The following CPZ variants were observed in gnomAD, a reference collection of about 807,000 sequenced individuals.
CPZ encodes carboxypeptidase Z.
Under a neutral mutation model 61.8 loss-of-function variants are expected in CPZ, and 103 were observed. That is an observed-to-expected ratio of 1.67 (90% CI 1.42 to 1.96). CPZ has a LOEUF of 1.96. Among genes scored for constraint, CPZ ranks in the 30% most tolerant of loss-of-function variants. CPZ has a pLI of 0.00. For synonymous variants in CPZ, 551 were observed against 373.7 expected (o/e 1.47, Z -5.47); for missense variants, 1,461 against 914.9 (o/e 1.60, Z -7.70).
At chr4:8,598,485 G>C (rs1320603687) in intron 1 of CPZ, among the ~76,000 whole-genome samples, 1 of 152,210 alleles carries the variant, frequency 6.6e-6, no homozygotes, top group Non-Finnish European at 1.5e-5. Flanking sequence ...CTTTTCCTCT[G>C]CTCCAGCCTG....
At chr4:8,607,817 G>A (rs1306827427) in intron 7 of CPZ, among the ~76,000 whole-genome samples, 3 of 152,142 alleles carry the variant, frequency 2.0e-5, no homozygotes, top group Non-Finnish European at 2.9e-5. Flanking sequence ...GTGCTGCAGC[G>A]CGCATGCTGC....
Position 8,606,831 on chromosome 4 carries a change from G to A in CPZ, c.1001G>A (p.Arg334Gln), listed in dbSNP as rs183698544. 393 of 1,613,870 alleles carry A rather than the reference G, an allele frequency of 2.4e-4. 3 individuals carry two copies. In the East Asian group the frequency reaches 8.2e-3, roughly 34 times the overall value. ...NFPDLTSEYY[R>Q]LAETRGARSD... Reference sequence around the variant, plus strand: ...CCGGACCTGACGTCCGAGTACTACCGGCTGGCGGAGACCCGCGGCGCACGC... The same window carrying A: ...CCGGACCTGACGTCCGAGTACTACCAGCTGGCGGAGACCCGCGGCGCACGC... Residue 334 changes from arginine (R) to glutamine (Q), a missense_variant, in exon 6 of 11, where the codon CGG (arginine) becomes CAG (glutamine). Physicochemically the swap from Arg to Gln is conservative, Grantham distance 43. Coordinates refer to ENST00000360986, the MANE Select transcript of CPZ (RefSeq NM_001014447.3).
chr4:8,595,521 G>C (rs529519736), intron 1 of CPZ, among the ~76,000 whole-genome samples: 102 of 152,348 alleles, frequency 6.7e-4, no homozygotes, highest in African/African-American at 2.4e-3. Context: ...CAAAACCAGA[G>C]GCCTACGGAG....
chr4:8,603,599 C>CG, intron 3 of CPZ: 2 of 282,388 alleles, frequency 7.1e-6, no homozygotes, highest in Non-Finnish European at 1.3e-5. Flanking sequence ...GTGCCACTGT[C>CG]ATGGAAAACA....
intron 7 of CPZ, among the ~76,000 whole-genome samples, chr4:8,609,721 G>A (rs571717692): frequency 5.9e-5 from 9 of 152,346 alleles, no homozygotes; most frequent in African/African-American, 1.9e-4. Context: ...ACGTCCCCAG[G>A]GGGGATGTTC....
chr4:8,613,930 C>T (rs558357332), intron 8 of CPZ, among the ~76,000 whole-genome samples: 3 of 152,366 alleles, frequency 2.0e-5, no homozygotes, highest in East Asian at 1.9e-4. Context: ...GGGGCCTGTG[C>T]GGCTGCCCCG....
chr4:8,614,257 A>G (rs943148135), intron 8 of CPZ, 102 bp from the exon 9 acceptor site: 1 of 1,472,328 alleles, frequency 6.8e-7, no homozygotes, highest in Non-Finnish European at 9.1e-7. Context: ...CGCGGCTGAC[A>G]CCCCGGCGTC....
chr4:8,592,948 C>G (rs779618489), intron 1 of CPZ, 27 bp downstream of exon 1: 1 of 1,481,624 alleles, frequency 6.7e-7, no homozygotes, highest in South Asian at 1.2e-5. Flanking sequence ...CCCCCACCCT[C>G]CACCCTCCAC....
rs549999231 is a variant in CPZ at position 8,617,302 on chromosome 4, T to G, written c.1504-1127T>G. Among the ~76,000 whole-genome samples the G allele has an allele frequency of 2.0e-5, 3 of 152,328 alleles. No homozygotes were observed. The East Asian group carries it at 5.8e-4, about 29-fold the overall frequency. ...ACTGAGGCACCCAGAAGCAAAGGTT[T>G]GTCTGAAGTGAACAGTCACTACGGC... On this transcript the variant is annotated intron_variant, in intron 9 of 10. Transcript: ENST00000360986.
chr4:8,608,661 T>C (rs1447101083), intron 7 of CPZ, among the ~76,000 whole-genome samples: 1 of 151,290 alleles, frequency 6.6e-6, no homozygotes, highest in African/African-American at 2.5e-5. Context: ...TGTGCATGCA[T>C]GTGCACACGT....
rs959874276 is a variant in CPZ at position 8,592,787 on chromosome 4, C to T, written c.-47C>T. On this transcript the variant is annotated 5_prime_UTR_variant, in exon 1 of 11. Coordinates refer to ENST00000360986, the MANE Select transcript of CPZ (RefSeq NM_001014447.3). ...CGCAGAGCCCCGGCCCCGCGCGGCC[C>T]GAGTGCCACATCACTGCGCTGGCCG... The T allele has an allele frequency of 8.4e-6, 11 of 1,308,444 alleles. No individual in the cohort carries two copies. The highest frequency in any genetic ancestry group is 4.7e-5 in the African/African-American group (3 of 64,488). The allele number at this position is 1,308,444 out of a possible 1,614,324, so 81.1% of individuals were successfully genotyped here. A position where few individuals can be genotyped will look rare whatever the true frequency, so the allele number is the denominator to read the frequency against.
At position 8,612,076 on chromosome 4, in the gene CPZ, T is replaced by G. The variant is rs771315930; in HGVS notation, c.1277T>G (p.Met426Arg). The change falls in exon 8 of 11, where the codon ATG becomes AGG. Residue 426 changes from methionine (M) to arginine (R), a missense_variant. Coordinates refer to ENST00000360986, the MANE Select transcript of CPZ (RefSeq NM_001014447.3). ...RAYADVHPMMMDRSENRCGGN... is the reference protein window; with the variant it reads ...RAYADVHPMMRDRSENRCGGN... The stretch of plus-strand genomic sequence containing the variant: ...TACGCTGACGTCCACCCCATGATGA[T>G]GGACAGGTCGGAGAATAGGTGTGGA... 2.5e-6 allele frequency: 4 copies of G among 1,613,344 alleles called. No individual in the cohort carries two copies. The East Asian group carries it at 8.9e-5, about 36-fold the overall frequency.
intron 9 of CPZ, chr4:8,618,078 G>A (rs1477280122): frequency 1.3e-5 from 4 of 304,062 alleles, no homozygotes; most frequent in South Asian, 1.0e-4. Context: ...AGGGAGTCCC[G>A]CTGGGGCTGG....
Position 8,601,343 on chromosome 4 carries a change from G to A in CPZ, c.342G>A (p.Val114=). The A allele has an allele frequency of 6.2e-7, 1 of 1,605,468 alleles. No homozygotes were observed. Among genetic ancestry groups the A allele is most frequent in the South Asian group, 1.1e-5 (1 of 90,570 alleles). Residue 114 remains valine (V), a synonymous_variant, in exon 3 of 11, where the codon GTG becomes GTA. Transcript: ENST00000360986. The part of the protein sequence containing the change: ...VLAPRCEGGW[V]RRPCRHICEG... ...CCCCCCGGTGTGAGGGCGGCTGGGT[G>A]CGCAGACCCTGCCGGCACATCTGCG...
chr4:8,612,488 C>T (rs560566857), intron 8 of CPZ, among the ~76,000 whole-genome samples: 1 of 152,264 alleles, frequency 6.6e-6, no homozygotes, highest in Admixed American at 6.5e-5. Context: ...GCTGGACTTC[C>T]AGTTAAATTG....
At chr4:8,608,801 G>A (rs1283028555) in intron 7 of CPZ, among the ~76,000 whole-genome samples, 1 of 152,172 alleles carries the variant, frequency 6.6e-6, no homozygotes, top group Non-Finnish European at 1.5e-5. Context: ...GAGGGGCACT[G>A]GAGGCACAGG....
intron 7 of CPZ, chr4:8,611,109 C>A (rs536584180): frequency 7.2e-6 from 3 of 419,110 alleles, no homozygotes; most frequent in Non-Finnish European, 1.0e-5. Flanking sequence ...CTCACTCACT[C>A]ACTGGGCCCT....
At chr4:8,614,315 G>C (rs1715973826) in intron 8 of CPZ, 44 bp from the exon 9 acceptor site, 3 of 1,592,672 alleles carry the variant, frequency 1.9e-6, no homozygotes, top group Non-Finnish European at 2.6e-6. Flanking sequence ...GGCTGTCTCT[G>C]TGCGGCTGAC....
rs1030502596 is a variant in CPZ at position 8,619,737 on chromosome 4, T to C, written c.*120T>C. ...CAAAGCCGCTGCCATTTTATTAAAG[T>C]GTTTTGATCCACTTTGCACTGGAAT... On this transcript the variant is annotated 3_prime_UTR_variant, in exon 11 of 11. Transcript: ENST00000360986. 4 of 790,788 alleles carry C rather than the reference T, an allele frequency of 5.1e-6. No homozygotes were observed. In the Admixed American group the frequency reaches 1.0e-4, roughly 21 times the overall value. The allele number at this position is 790,788 out of a possible 1,614,324, so 49.0% of individuals were successfully genotyped here. A position where few individuals can be genotyped will look rare whatever the true frequency, so the allele number is the denominator to read the frequency against.
Sources: allele counts gnomAD v4.1 joint callset (sites outside exome capture counted in the v4.1 genomes callset), GRCh38; gene constraint gnomAD v4.1.1; transcripts MANE v1.5; gene names NCBI Gene and HGNC (gene_info 2026-07-23, HGNC 2026-07-21).